Variants in GTPBP6 observed in about 807,000 individuals in gnomAD.
GTPBP6 encodes putative GTP-binding protein 6.
A neutral mutation model predicts 28.9 loss-of-function variants in GTPBP6; 33 were observed. The observed-to-expected ratio is 1.14, with a 90% confidence interval of 0.87 to 1.53. GTPBP6 has a LOEUF of 1.53. Ranked by LOEUF, GTPBP6 falls within the 40% of genes most tolerant of loss-of-function variation. The pLI is 0.00. For missense variants in GTPBP6, 507 were observed against 408.3 expected, an observed-to-expected ratio of 1.24 and a Z score of -2.08; for synonymous variants, 231 against 192.7, an observed-to-expected ratio of 1.20 and a Z score of -1.65.
At chrX:317,569 T>TGGGGGAGGGGGTGGGGG (rs1187572118) in intron 1 of GTPBP6, among the ~76,000 whole-genome samples, 1 of 117,548 alleles carries the variant, frequency 8.5e-6, no homozygotes, top group African/African-American at 3.2e-5. Flanking sequence ...GGGTGGGGGG[T>TGGGGGAGGGGGTGGGGG]GGGACTAGAC....
At chrX:308,348 C>T (rs1393438334) in intron 7 of GTPBP6, among the ~76,000 whole-genome samples, 3 of 152,102 alleles carry the variant, frequency 2.0e-5, no homozygotes, top group South Asian at 2.1e-4. Flanking sequence ...AAAATAAAGC[C>T]GTGTGTAATT....
intron 7 of GTPBP6, among the ~76,000 whole-genome samples, chrX:309,413 C>G (rs2070238667): frequency 6.6e-6 from 1 of 152,140 alleles, no homozygotes; most frequent in South Asian, 2.1e-4. Flanking sequence ...AAGATGAGGT[C>G]AGGGTGGAGC....
intron 4 of GTPBP6, among the ~76,000 whole-genome samples, chrX:314,563 C>G (rs935110185): frequency 1.2e-4 from 18 of 151,896 alleles, no homozygotes; most frequent in Non-Finnish European, 1.9e-4. Context: ...AGCTCCACCT[C>G]TGGGGTTCAC....
At chrX:305,352 C>A (rs886256427) in intron 9 of GTPBP6, among the ~76,000 whole-genome samples, 155 bp from the exon 10 acceptor site, 1 of 146,582 alleles carries the variant, frequency 6.8e-6, no homozygotes, top group African/African-American at 2.7e-5. Flanking sequence ...GACGGAGTCT[C>A]ACTCTGTCGC....
chrX:314,534 G>C (rs761255265), intron 4 of GTPBP6, among the ~76,000 whole-genome samples: 2 of 151,360 alleles, frequency 1.3e-5, no homozygotes, highest in Non-Finnish European at 1.5e-5. Flanking sequence ...GTGCAGTGGC[G>C]TGATCTCGGC....
At chrX:305,045 C>G in exon 10 of GTPBP6, 8 of 1,609,054 alleles carry the variant, frequency 5.0e-6, no homozygotes, top group Non-Finnish European at 5.9e-6. Context: ...AGCGATGCCC[C>G]CACCCCGCAG....
intron 7 of GTPBP6, among the ~76,000 whole-genome samples, chrX:310,676 C>T (rs1268108775): frequency 2.0e-5 from 3 of 151,774 alleles, no homozygotes; most frequent in African/African-American, 4.8e-5. Flanking sequence ...TGGAGTGATG[C>T]GGCCTCAAGC....
chrX:307,141 C>G (rs2070187384), intron 9 of GTPBP6, among the ~76,000 whole-genome samples: 1 of 125,096 alleles, frequency 8.0e-6, no homozygotes, highest in South Asian at 2.2e-4. Context: ...GTTGTATGCA[C>G]AGTCACAAAT....
chrX:305,143 C>G (rs1204776839), exon 10 of GTPBP6: 8 of 1,613,668 alleles, frequency 5.0e-6, no homozygotes, highest in Non-Finnish European at 4.2e-6. Flanking sequence ...CGTCGGCCGC[C>G]CCGTCCTCAG....
intron 9 of GTPBP6, 129 bp downstream of exon 9, chrX:307,231 A>T (rs2070189392): frequency 2.6e-6 from 2 of 783,736 alleles, no homozygotes; most frequent in Non-Finnish European, 4.0e-6. Flanking sequence ...AAACCCATTC[A>T]TCTCGTCTGT....
exon 10 of GTPBP6, chrX:304,927 C>T (rs2070121271): frequency 6.8e-7 from 1 of 1,463,290 alleles, no homozygotes; most frequent in African/African-American, 1.4e-5. Flanking sequence ...ACGGTCATCC[C>T]AGCAAATGGC....
chrX:317,109 C>T (rs2070452731), intron 1 of GTPBP6, 58 bp from the exon 2 acceptor site: 1 of 339,038 alleles, frequency 2.9e-6, no homozygotes, highest in Non-Finnish European at 4.8e-6. Flanking sequence ...CCCGTCCACA[C>T]CTGCCCGGGG....
intron 1 of GTPBP6, among the ~76,000 whole-genome samples, chrX:317,864 A>G (rs1207986018): frequency 9.6e-5 from 2 of 20,780 alleles, no homozygotes; most frequent in Admixed American, 6.2e-4. Context: ...CCTCTTCCCC[A>G]TAAGCCCCGC....
chrX:305,163 C>T, exon 10 of GTPBP6: 1 of 1,613,736 alleles, frequency 6.2e-7, no homozygotes, highest in Non-Finnish European at 8.5e-7. Flanking sequence ...GGGATCACGT[C>T]CACCTCCTGA....
At position 318,681 on chromosome X, in the gene GTPBP6, A is replaced by AGC. The variant is rs1435065108; in HGVS notation, c.105_106dup (p.Leu36ArgfsTer2). 3.8e-5 allele frequency: 15 copies of AGC among 391,862 alleles called. No individual in the cohort carries two copies. The highest frequency in any genetic ancestry group is 2.6e-4 in the South Asian group (2 of 7,822). The allele number at this position is 391,862 out of a possible 1,614,324, so 24.3% of individuals were successfully genotyped here. ...GGGGCTCCTGCGGCCGACAGCGGCT[A>AGC]GCGCGCGCGCGGGGCAGGACGGCGC... On this transcript the variant is annotated frameshift_variant, in exon 1 of 10. Transcript: ENST00000326153. LOFTEE classifies it high-confidence loss of function.
At chrX:310,680 C>T (rs1486248728) in intron 7 of GTPBP6, among the ~76,000 whole-genome samples, 1 of 151,786 alleles carries the variant, frequency 6.6e-6, no homozygotes, top group Non-Finnish European at 1.5e-5. Flanking sequence ...GTGATGCGGC[C>T]TCAAGCCCAG....
chrX:317,100 C>A lies in GTPBP6; in HGVS notation c.350-49G>T, dbSNP rs1385407720. On this transcript the variant is annotated intron_variant, in intron 1 of 9. Transcript: ENST00000326153. ...TGAGAGACGCTTCTGCCCGGGGCCC[C>A]CGTCCACACCTGCCCGGGGAGGCCT... The A allele has an allele frequency of 6.5e-4, 221 of 339,008 alleles. 1 individual carries two copies. In the East Asian group the frequency reaches 7.9e-3, roughly 12 times the overall value. The allele number at this position is 339,008 out of a possible 1,614,324, so 21.0% of individuals were successfully genotyped here.
At chrX:314,991 C>T in exon 4 of GTPBP6, 1 of 398,686 alleles carries the variant, frequency 2.5e-6, no homozygotes, top group East Asian at 3.6e-5. Flanking sequence ...GGTCAAACAC[C>T]TCCACGCCCC....
chrX:318,283 A>G (rs1486072568), intron 1 of GTPBP6, among the ~76,000 whole-genome samples, 156 bp downstream of exon 1: 1 of 133,784 alleles, frequency 7.5e-6, no homozygotes, highest in African/African-American at 2.9e-5. Context: ...CACCTATGAG[A>G]TTCTCCCCAC....
Sources: gnomAD v4.1 joint callset for allele counts (sites outside exome capture counted in the v4.1 genomes callset) on GRCh38, gnomAD v4.1.1 for gene constraint, MANE v1.5 for transcripts, NCBI Gene and HGNC (gene_info 2026-07-23, HGNC 2026-07-21) for gene names.